Variants in VTCN1 observed in about 807,000 individuals in gnomAD.
VTCN1 encodes V-set domain-containing T-cell activation inhibitor 1.
In VTCN1, 26 loss-of-function variants were observed where a neutral mutation model predicts 26.5. That is an observed-to-expected ratio of 0.98 (90% CI 0.72 to 1.36). The LOEUF is 1.36. Among genes scored for constraint, VTCN1 ranks in the 40% most tolerant of loss-of-function variants. The probability of loss-of-function intolerance (pLI) is 0.00; values close to 1 mark genes in which losing one functional copy is unlikely to be tolerated. For synonymous variants in VTCN1, 116 were observed against 130.7 expected, an observed-to-expected ratio of 0.89 and a Z score of 0.77; for missense variants, 298 against 337.7, an observed-to-expected ratio of 0.88 and a Z score of 0.92.
At chr1:117,173,394 C>T in intron 1 of VTCN1, 1 of 399,970 alleles carries the variant, frequency 2.5e-6, no homozygotes, top group East Asian at 3.9e-5. Context: ...ACACACAACA[C>T]CATGTAAAGA....
At chr1:117,195,842 T>G (rs1004136409) in intron 1 of VTCN1, among the ~76,000 whole-genome samples, 4 of 152,184 alleles carry the variant, frequency 2.6e-5, no homozygotes, top group Non-Finnish European at 5.9e-5. Flanking sequence ...AGGTTATCTA[T>G]AGTGTTGACT....
In VTCN1 at chr1:117,183,832, T is replaced by C. The variant is rs1386771506; in HGVS notation, c.33-13661A>G. ...AAACCACACACACATTTTTGGGTACTTCATTTTTGCCAGCAAGAAAAATGA... is the reference window on the plus strand; with the variant it reads ...AAACCACACACACATTTTTGGGTACCTCATTTTTGCCAGCAAGAAAAATGA... On this transcript the variant is annotated intron_variant, in intron 1 of 5. Transcript: ENST00000369458. The surrounding 1 kb of genome is among the most constrained non-coding windows in gnomAD (Gnocchi z 4.1). Among the ~76,000 whole-genome samples the C allele has an allele frequency of 6.6e-6, 1 of 152,220 alleles. No homozygotes were observed. Among genetic ancestry groups the C allele is most frequent in the Non-Finnish European group, 1.5e-5 (1 of 68,038 alleles).
At chr1:117,187,418 A>T (rs1047023549) in intron 1 of VTCN1, among the ~76,000 whole-genome samples, 1 of 152,046 alleles carries the variant, frequency 6.6e-6, no homozygotes, top group Non-Finnish European at 1.5e-5. Context: ...GCACTTGAGG[A>T]ACTAGGGGAC....
intron 1 of VTCN1, among the ~76,000 whole-genome samples, chr1:117,207,029 T>A (rs1159281924): frequency 6.6e-6 from 1 of 152,086 alleles, no homozygotes; most frequent in Non-Finnish European, 1.5e-5. Context: ...CAGCCCAGGC[T>A]CAAGCAAGAT....
rs1652375327 is a variant in VTCN1, at chr1:117,161,640, A to G, written c.98-4719T>C. Among the ~76,000 whole-genome samples the G allele has an allele frequency of 6.6e-6, 1 of 152,236 alleles. No homozygotes were observed. The highest frequency in any genetic ancestry group is 1.5e-5 in the Non-Finnish European group (1 of 68,040). ...GCTGAGTTTATGAATAAATGAATAA[A>G]TAAATGGAAATCAGTAGAAATCAAA... On this transcript the variant is annotated intron_variant, in intron 2 of 5. Transcript: ENST00000369458. The surrounding 1 kb of genome is among the most constrained non-coding windows in gnomAD (Gnocchi z 4.3).
At chr1:117,177,169 A>T (rs1338734036) in intron 1 of VTCN1, among the ~76,000 whole-genome samples, 1 of 152,202 alleles carries the variant, frequency 6.6e-6, no homozygotes, top group Admixed American at 6.5e-5. Flanking sequence ...TATGGGGAAA[A>T]AGTATTTCCT....
Position 117,183,111 on chromosome 1 carries a change from T to C in VTCN1, c.33-12940A>G, listed in dbSNP as rs1647756721. Among the ~76,000 whole-genome samples, 1 of 152,062 alleles carries C rather than the reference T, an allele frequency of 6.6e-6. No homozygotes were observed. The highest frequency in any genetic ancestry group is 2.4e-5 in the African/African-American group (1 of 41,392). ...TGAAAGTTTGAATAAAAATATAAGC[T>C]CAAGAAGATTTTATATAAACCTGTG... On this transcript the variant is annotated intron_variant, in intron 1 of 5. Coordinates refer to ENST00000369458, the MANE Select transcript of VTCN1 (RefSeq NM_024626.4). This position sits in a 1 kb window ranked among gnomAD's most constrained non-coding sequence, Gnocchi z 4.1.
intron 1 of VTCN1, among the ~76,000 whole-genome samples, chr1:117,176,330 T>G (rs1647350056): frequency 6.6e-6 from 1 of 152,164 alleles, no homozygotes; most frequent in Admixed American, 6.5e-5. Context: ...CTTACAGACT[T>G]GAGGTCTTAA....
At chr1:117,206,659 GA>G (rs1649087104) in intron 1 of VTCN1, among the ~76,000 whole-genome samples, 2 of 18,416 alleles carry the variant, frequency 1.1e-4, no homozygotes, top group Non-Finnish European at 5.5e-4. Context: ...CACAGGAACA[GA>G]TATTCATATC....
At chr1:117,179,475 A>G (rs1439256555) in intron 1 of VTCN1, among the ~76,000 whole-genome samples, 2 of 152,220 alleles carry the variant, frequency 1.3e-5, no homozygotes, top group Admixed American at 1.3e-4. Context: ...CTCTGGAGGA[A>G]GAAACAGAGG....
chr1:117,179,499 T>A (rs1278069953), intron 1 of VTCN1, among the ~76,000 whole-genome samples: 1 of 152,224 alleles, frequency 6.6e-6, no homozygotes, highest in Non-Finnish European at 1.5e-5. Flanking sequence ...TGAGTGAAAG[T>A]TCTAGGAGAT....
At chr1:117,182,312 C>T (rs1314491345) in intron 1 of VTCN1, among the ~76,000 whole-genome samples, 1 of 152,210 alleles carries the variant, frequency 6.6e-6, no homozygotes, top group Non-Finnish European at 1.5e-5. Context: ...ATTGTTCAGT[C>T]TTCCAAAAGA....
chr1:117,173,362 A>G (rs1653026202), intron 1 of VTCN1: 1 of 480,968 alleles, frequency 2.1e-6, no homozygotes, highest in East Asian at 3.6e-5. Flanking sequence ...TTGGACACAG[A>G]TGAACACACA....
chr1:117,174,800 G>A (rs918340929), intron 1 of VTCN1, among the ~76,000 whole-genome samples: 2 of 152,210 alleles, frequency 1.3e-5, no homozygotes, highest in African/African-American at 4.8e-5. Context: ...TTCAAAGAAA[G>A]TGAAGAAAAA....
chr1:117,154,909 C>T (rs1651990923), intron 3 of VTCN1, among the ~76,000 whole-genome samples: 1 of 151,754 alleles, frequency 6.6e-6, no homozygotes, highest in South Asian at 2.1e-4. Flanking sequence ...CACTGATGTT[C>T]TTTTTCTGTT....
intron 1 of VTCN1, among the ~76,000 whole-genome samples, chr1:117,176,868 G>A (rs1647378819): frequency 6.6e-6 from 1 of 152,212 alleles, no homozygotes; most frequent in Non-Finnish European, 1.5e-5. Context: ...GGAGGCCCAG[G>A]AGGGCAGAGC....
intron 4 of VTCN1, among the ~76,000 whole-genome samples, chr1:117,149,594 A>G (rs986298231): frequency 3.0e-4 from 45 of 151,962 alleles, no homozygotes; most frequent in Non-Finnish European, 5.9e-5. Flanking sequence ...TGCCTTATCT[A>G]TGGATCCACT....
chr1:117,161,244 G>T lies in VTCN1; in HGVS notation c.98-4323C>A, dbSNP rs1450378271. ...GAGAATGATATCCAAGGCATCCCAGGCTAGCATGGGTTACACAATTACACT... is the reference window on the plus strand; with the variant it reads ...GAGAATGATATCCAAGGCATCCCAGTCTAGCATGGGTTACACAATTACACT... On this transcript the variant is annotated intron_variant, in intron 2 of 5. Transcript: ENST00000369458. The surrounding 1 kb of genome is among the most constrained non-coding windows in gnomAD (Gnocchi z 4.3). Among the ~76,000 whole-genome samples, 1 of 152,148 alleles carries T rather than the reference G, an allele frequency of 6.6e-6. No individual in the cohort carries two copies. The highest frequency in any genetic ancestry group is 1.5e-5 in the Non-Finnish European group (1 of 68,034).
intron 1 of VTCN1, among the ~76,000 whole-genome samples, chr1:117,181,964 T>C (rs547006717): frequency 3.9e-5 from 6 of 152,136 alleles, no homozygotes; most frequent in Non-Finnish European, 8.8e-5. Flanking sequence ...ACCGTGACTG[T>C]TTTGAATTTC....
Sources: allele counts gnomAD v4.1 joint callset (sites outside exome capture counted in the v4.1 genomes callset), GRCh38; gene constraint gnomAD v4.1.1; non-coding constraint Gnocchi (gnomAD v3.1); transcripts MANE v1.5; gene names NCBI Gene and HGNC (gene_info 2026-07-23, HGNC 2026-07-21).